ROCK1: variants seen among roughly 807,000 people sequenced by gnomAD.
ROCK1 encodes the protein Rho associated coiled-coil containing protein kinase 1.
In ROCK1, 36 loss-of-function variants were observed where a neutral mutation model predicts 196.8. The observed-to-expected ratio is 0.18, with a 90% CI of 0.14 to 0.24. The LOEUF is 0.24. Among genes scored for constraint, ROCK1 ranks in the 10% least tolerant of loss-of-function variants. ROCK1 has a pLI of 1.00. For missense variants in ROCK1, 920 were observed against 1,562.0 expected, an observed-to-expected ratio of 0.59 and a Z score of 6.93; for synonymous variants, 443 against 515.9, an observed-to-expected ratio of 0.86 and a Z score of 1.91.
intron 1 of ROCK1, among the ~76,000 whole-genome samples, chr18:21,098,436 T>C (rs1229505796): frequency 8.6e-5 from 13 of 152,046 alleles, no homozygotes; most frequent in Non-Finnish European, 1.5e-4. Context: ...TCCGAGTAGA[T>C]TTCAAAGTAA....
At chr18:21,063,714 G>A (rs1415704213) in intron 2 of ROCK1, among the ~76,000 whole-genome samples, 2 of 152,166 alleles carry the variant, frequency 1.3e-5, no homozygotes, top group Non-Finnish European at 2.9e-5. Context: ...AAAAGTAGAT[G>A]TATTATTGAG....
chr18:20,982,745 A>C lies in ROCK1; in HGVS notation c.2559+18T>G. The C allele has an allele frequency of 7.5e-7, 1 of 1,327,734 alleles. No individual in the cohort carries two copies. 82.2% of individuals were successfully genotyped at this position (1,327,734 alleles called of 1,614,324 possible). A position where few individuals can be genotyped will look rare whatever the true frequency, so the allele number is the denominator to read the frequency against. On this transcript the variant is annotated intron_variant, in intron 21 of 32. Transcript: ENST00000399799. ...AGGTTTTGAAACAGTGTGTATGTTA[A>C]AAATGATTCTCACTTACCGAGAAAT...
At chr18:21,104,772 C>T (rs1033767265) in intron 1 of ROCK1, among the ~76,000 whole-genome samples, 1 of 152,160 alleles carries the variant, frequency 6.6e-6, no homozygotes, top group African/African-American at 2.4e-5. Context: ...TAAATTAGTT[C>T]CCAATTGCCT....
At chr18:21,077,669 C>T (rs1442505470) in intron 1 of ROCK1, among the ~76,000 whole-genome samples, 2 of 151,930 alleles carry the variant, frequency 1.3e-5, no homozygotes, top group Admixed American at 1.3e-4. Context: ...ATATAAAAAG[C>T]CGTGTGAAGC....
intron 1 of ROCK1, among the ~76,000 whole-genome samples, chr18:21,091,676 T>C (rs1458047367): frequency 6.6e-6 from 1 of 152,096 alleles, no homozygotes; most frequent in African/African-American, 2.4e-5. Context: ...AGGCTGTTAA[T>C]TGTTAAATCT....
At chr18:21,038,559 A>C (rs2036077310) in intron 9 of ROCK1, among the ~76,000 whole-genome samples, 1 of 152,194 alleles carries the variant, frequency 6.6e-6, no homozygotes, top group Admixed American at 6.5e-5. Flanking sequence ...ATCAGAATTA[A>C]CAAGATTTCC....
At chr18:20,967,998 T>G in intron 25 of ROCK1, 58 bp from the exon 26 acceptor site, 5 of 1,285,044 alleles carry the variant, frequency 3.9e-6, no homozygotes, top group Non-Finnish European at 5.2e-6. Flanking sequence ...AATACTAAAA[T>G]GTATTTTTTT....
In ROCK1 at chr18:21,107,616, C is replaced by G. The variant is rs568558713; in HGVS notation, c.93+3202G>C. On this transcript the variant is annotated intron_variant, in intron 1 of 32. Transcript: ENST00000399799. ...AACAAGAACAGACTCACTGAAAAAG[C>G]TGAAGTCACCTGATAGGTCACCCTG... Among the ~76,000 whole-genome samples, 4 of 152,236 alleles carry G rather than the reference C, an allele frequency of 2.6e-5. No individual in the cohort carries two copies. In the South Asian group the frequency reaches 8.3e-4, roughly 32 times the overall value.
intron 13 of ROCK1, among the ~76,000 whole-genome samples, chr18:21,014,150 G>A (rs991247320): frequency 4.0e-5 from 6 of 151,226 alleles, no homozygotes; most frequent in African/African-American, 1.5e-4. Flanking sequence ...TAAGTTTTCT[G>A]ACTTGCTAGC....
chr18:20,976,069 C>A (rs2035477613), intron 22 of ROCK1, among the ~76,000 whole-genome samples: 1 of 152,184 alleles, frequency 6.6e-6, no homozygotes, highest in African/African-American at 2.4e-5. Context: ...AGTCTTTCCT[C>A]AGCCTTTGTG....
At chr18:21,019,667 G>A (rs1318042743) in intron 12 of ROCK1, among the ~76,000 whole-genome samples, 3 of 151,802 alleles carry the variant, frequency 2.0e-5, no homozygotes, top group East Asian at 1.9e-4. Context: ...GTGTGGTGGC[G>A]GGCGCCTGTA....
chr18:21,034,216 A>C (rs1490449782), intron 9 of ROCK1, among the ~76,000 whole-genome samples: 1 of 152,156 alleles, frequency 6.6e-6, no homozygotes, highest in Admixed American at 6.6e-5. Context: ...TTAAGATGAT[A>C]ATACTACCCA....
At chr18:21,000,792 T>A (rs1215612880) in intron 16 of ROCK1, among the ~76,000 whole-genome samples, 1 of 152,184 alleles carries the variant, frequency 6.6e-6, no homozygotes, top group Non-Finnish European at 1.5e-5. Context: ...GAAACTGGAA[T>A]CCTGTACATT....
intron 1 of ROCK1, among the ~76,000 whole-genome samples, chr18:21,072,055 C>T (rs28596492): frequency 0.01 from 1,540 of 152,262 alleles, 19 homozygotes; most frequent in African/African-American, 0.036. Context: ...ATTTTAGTCA[C>T]GTGGTCATAA....
At chr18:21,069,397 A>C (rs1399368338) in intron 2 of ROCK1, among the ~76,000 whole-genome samples, 1 of 152,072 alleles carries the variant, frequency 6.6e-6, no homozygotes. Flanking sequence ...AATTAAAATA[A>C]ATTGTACAGG....
intron 18 of ROCK1, among the ~76,000 whole-genome samples, 196 bp downstream of exon 18, chr18:20,990,978 TCA>T (rs2035620152): frequency 1.3e-5 from 2 of 152,070 alleles, no homozygotes; most frequent in Non-Finnish European, 2.9e-5. Flanking sequence ...CAGGCTGGTC[TCA>T]AACTCCCGGC....
At chr18:21,080,320 T>C (rs561073293) in intron 1 of ROCK1, among the ~76,000 whole-genome samples, 7 of 151,938 alleles carry the variant, frequency 4.6e-5, no homozygotes, top group Non-Finnish European at 8.8e-5. Flanking sequence ...AGCCCAGACA[T>C]TGGACTTGAT....
At chr18:21,078,227 G>A (rs2036450847) in intron 1 of ROCK1, among the ~76,000 whole-genome samples, 2 of 152,164 alleles carry the variant, frequency 1.3e-5, no homozygotes, top group South Asian at 2.1e-4. Flanking sequence ...CGTTTGGGGG[G>A]CTAGGGTGCG....
At chr18:21,053,414 CT>C (rs1313748090) in intron 2 of ROCK1, among the ~76,000 whole-genome samples, 3 of 152,076 alleles carry the variant, frequency 2.0e-5, no homozygotes, top group African/African-American at 7.2e-5. Context: ...ATAGTGAGTG[CT>C]TAGTCTGGGA....
Sources: gnomAD v4.1 joint callset for allele counts (sites outside exome capture counted in the v4.1 genomes callset) on GRCh38, gnomAD v4.1.1 for gene constraint, MANE v1.5 for transcripts, NCBI Gene and HGNC (gene_info 2026-07-23, HGNC 2026-07-21) for gene names.